The following OGFR variants were observed in gnomAD, a reference collection of about 807,000 sequenced individuals.
OGFR encodes opioid growth factor receptor, also known as protein 7-60.
Under a neutral mutation model 33.6 loss-of-function variants are expected in OGFR, and 18 were observed. The observed-to-expected ratio is 0.54, with a 90% confidence interval of 0.37 to 0.80. The LOEUF (loss-of-function observed/expected upper bound fraction) is 0.80. Among genes scored for constraint, OGFR ranks in the 30% least tolerant of loss-of-function variants. OGFR has a pLI of 0.00. For missense variants in OGFR, 877 were observed against 955.8 expected (o/e 0.92, Z 1.09); for synonymous variants, 370 against 400.7 (o/e 0.92, Z 0.91).
chr20:62,812,840 A>T lies in OGFR; in HGVS notation c.1225A>T (p.Lys409Ter), dbSNP rs750674169. The stretch of plus-strand genomic sequence containing the variant: ...CCCTCAGAGTGCCTCAGAGGTGGAG[A>T]AGATCGCTCTGAATTTGGAGGGGTG... Reference protein sequence around the residue: ...PGPQSASEVEKIALNLEGCAL... With the variant: ...PGPQSASEVE The change falls in exon 7 of 7, where the codon AAG becomes TAG. Residue 409 changes from lysine (K) to a stop codon, truncating the protein, a stop_gained. Coordinates refer to ENST00000290291, the MANE Select transcript of OGFR (RefSeq NM_007346.4). LOFTEE classifies it low-confidence loss of function (END_TRUNC). 1.2e-6 allele frequency: 2 copies of T among 1,612,714 alleles called. No homozygotes were observed. The highest frequency in any genetic ancestry group is 1.3e-5 in the African/African-American group (1 of 75,030).
intron 3 of OGFR, among the ~76,000 whole-genome samples, chr20:62,809,354 G>C (rs971136120): frequency 1.1e-4 from 16 of 152,244 alleles, no homozygotes; most frequent in African/African-American, 3.9e-4. Context: ...CCGCCAGCCA[G>C]CAACAAGGGT....
chr20:62,808,454 C>T (rs1024350969), intron 3 of OGFR, 129 bp downstream of exon 3: 15 of 689,180 alleles, frequency 2.2e-5, no homozygotes, highest in African/African-American at 5.3e-5. Context: ...CCCACAGTGC[C>T]CCCTGGAGGC....
intron 6 of OGFR, 62 bp downstream of exon 6, chr20:62,811,672 C>G: frequency 3.6e-6 from 5 of 1,403,980 alleles, no homozygotes; most frequent in Non-Finnish European, 4.7e-6. Context: ...CGTCAGGTTT[C>G]GGGCAGGTCA....
chr20:62,812,223 C>G lies in OGFR; in HGVS notation c.615-7C>G. 6.7e-7 allele frequency: 1 copy of G among 1,491,992 alleles called. No individual in the cohort carries two copies. The allele number at this position is 1,491,992 out of a possible 1,614,324, so 92.4% of individuals were successfully genotyped here. A position where few individuals can be genotyped will look rare whatever the true frequency, so the allele number is the denominator to read the frequency against. On this transcript the variant is annotated splice_polypyrimidine_tract_variant and splice_region_variant and intron_variant, in intron 6 of 6. Transcript: ENST00000290291. ...CATTGACCTCTCCTGACCCGGATCTCTCGCAGGCGCAGCCACAACAACCTC... is the reference window on the plus strand; with the variant it reads ...CATTGACCTCTCCTGACCCGGATCTGTCGCAGGCGCAGCCACAACAACCTC...
chr20:62,808,226 C>A, intron 2 of OGFR, 21 bp from the exon 3 acceptor site: 1 of 1,591,068 alleles, frequency 6.3e-7, no homozygotes, highest in Non-Finnish European at 8.6e-7. Context: ...TCCCTGCTGT[C>A]CCCTTTCTCT....
chr20:62,813,725 C>A lies in OGFR; in HGVS notation c.*76C>A. On this transcript the variant is annotated 3_prime_UTR_variant, in exon 7 of 7. Coordinates refer to ENST00000290291, the MANE Select transcript of OGFR (RefSeq NM_007346.4). ...CTGGGGCCTCCGGAGCTGCTGCGGG[C>A]TCCCCTCAGGCTCTGCTTCGTGACC... The A allele has an allele frequency of 6.5e-7, 1 of 1,534,674 alleles. No homozygotes were observed. Among genetic ancestry groups the A allele is most frequent in the Non-Finnish European group, 9.0e-7 (1 of 1,112,660 alleles).
chr20:62,811,624 G>GCGGGGCCCC lies in OGFR; in HGVS notation c.614+15_614+16insGGGGCCCCC. The GCGGGGCCCC allele has an allele frequency of 1.3e-6, 2 of 1,551,480 alleles. No individual in the cohort carries two copies. Among genetic ancestry groups the GCGGGGCCCC allele is most frequent in the African/African-American group, 1.4e-5 (1 of 73,282 alleles). ...GAACCTGAACTGGTGAGGCCCGGCT[G>GCGGGGCCCC]CTCCCGCCCACCCCCACCCCGGCGC... On this transcript the variant is annotated intron_variant, in intron 6 of 6. Coordinates refer to ENST00000290291, the MANE Select transcript of OGFR (RefSeq NM_007346.4).
chr20:62,812,284 G>A lies in OGFR; in HGVS notation c.669G>A (p.Leu223=), dbSNP rs13038939. The A allele has an allele frequency of 0.25, 382,821 of 1,537,898 alleles. 50,129 individuals carry two copies. The highest frequency in any genetic ancestry group is 0.3 in the African/African-American group (21,681 of 72,300). ...GCATCCTCAAGTCGCTGGGTGAGCT[G>A]GGCCTCGAGCACTTCCAGGCGCCGC... ...ITRILKSLGE[L]GLEHFQAPLV... is the part of the protein sequence containing the mutation. The change falls in exon 7 of 7, where the codon CTG becomes CTA. Residue 223 remains leucine, a synonymous_variant. Transcript: ENST00000290291.
chr20:62,808,200 G>A (rs1387764301), intron 2 of OGFR, 47 bp from the exon 3 acceptor site: 5 of 1,459,742 alleles, frequency 3.4e-6, no homozygotes, highest in Non-Finnish European at 4.8e-6. Context: ...CCCCAGGGCA[G>A]CTTGTGTCTG....
intron 6 of OGFR, 59 bp from the exon 7 acceptor site, chr20:62,812,171 G>A: frequency 1.4e-6 from 2 of 1,407,544 alleles, no homozygotes; most frequent in African/African-American, 1.5e-5. Context: ...CCAGGGCGGG[G>A]TGCGGCCCAG....
At position 62,813,092 on chromosome 20, in the gene OGFR, G is replaced by C; in HGVS notation, c.1477G>C (p.Ala493Pro). Residue 493 changes from alanine (A) to proline (P), a missense_variant, in exon 7 of 7, where the codon GCT becomes CCT. This residue lies in a region of OGFR where 760 missense variants were observed against 736.0 expected (regional missense o/e 1.03). Transcript: ENST00000290291. ...CCCTGCCCCATCGGGGCACCCCAAG[G>C]CTGGACACAGTGAGAACGGGGTTGA... ...GSPAPSGHPK[A>P]GHSENGVEED... 1.3e-6 allele frequency: 2 copies of C among 1,579,180 alleles called. No individual in the cohort carries two copies. The highest frequency in any genetic ancestry group is 1.7e-6 in the Non-Finnish European group (2 of 1,162,526).
At chr20:62,808,859 C>T (rs1252230689) in intron 3 of OGFR, among the ~76,000 whole-genome samples, 2 of 151,476 alleles carry the variant, frequency 1.3e-5, no homozygotes, top group Non-Finnish European at 2.9e-5. Flanking sequence ...CCTGTAGTCC[C>T]AGCTACTCAG....
At chr20:62,811,367 G>A in intron 5 of OGFR, 95 bp from the exon 6 acceptor site, 1 of 1,330,620 alleles carries the variant, frequency 7.5e-7, no homozygotes, top group East Asian at 2.4e-5. Context: ...GTCTAGTCCA[G>A]GCCTCTGAGT....
Position 62,811,618 on chromosome 20 carries a change from C to T in OGFR, c.614+8C>T. ...CTTCCAGAACCTGAACTGGTGAGGCCCGGCTGCTCCCGCCCACCCCCACCC... is the reference window on the plus strand; with the variant it reads ...CTTCCAGAACCTGAACTGGTGAGGCTCGGCTGCTCCCGCCCACCCCCACCC... On this transcript the variant is annotated splice_region_variant and intron_variant, in intron 6 of 6. Transcript: ENST00000290291. 6.4e-7 allele frequency: 1 copy of T among 1,557,094 alleles called. No homozygotes were observed. Among genetic ancestry groups the T allele is most frequent in the Non-Finnish European group, 8.7e-7 (1 of 1,150,876 alleles).
intron 6 of OGFR, 78 bp downstream of exon 6, chr20:62,811,688 C>T (rs964652003): frequency 4.9e-6 from 7 of 1,428,410 alleles, no homozygotes; most frequent in Admixed American, 2.4e-5. Flanking sequence ...GGTCACAGAG[C>T]GCTGCTGCAG....
At position 62,812,282 on chromosome 20, in the gene OGFR, C is replaced by T; in HGVS notation, c.667C>T (p.Leu223=). ...ACGCATCCTCAAGTCGCTGGGTGAG[C>T]TGGGCCTCGAGCACTTCCAGGCGCC... ...ITRILKSLGE[L]GLEHFQAPLV... is the part of the protein sequence containing the mutation. The change falls in exon 7 of 7, where the codon CTG becomes TTG. Residue 223 remains leucine (L), a synonymous_variant. Coordinates refer to ENST00000290291, the MANE Select transcript of OGFR (RefSeq NM_007346.4). The T allele has an allele frequency of 6.5e-7, 1 of 1,538,544 alleles. No individual in the cohort carries two copies. The highest frequency in any genetic ancestry group is 8.8e-7 in the Non-Finnish European group (1 of 1,142,626).
rs755546386 is a variant in OGFR at position 62,812,780 on chromosome 20, C to T, written c.1165C>T (p.Leu389=). ...PKESKKRKLE[L]SRREQPPTEP... ...AGAGAGCAAGAAGAGGAAGCTGGAG[C>T]TGAGCCGGCGGGAGCAGCCGCCCAC... Residue 389 remains leucine, a synonymous_variant, in exon 7 of 7, where the codon CTG becomes TTG. Coordinates refer to ENST00000290291, the MANE Select transcript of OGFR (RefSeq NM_007346.4). 5 of 1,612,372 alleles carry T rather than the reference C, an allele frequency of 3.1e-6. No homozygotes were observed. The highest frequency in any genetic ancestry group is 1.7e-5 in the Admixed American group (1 of 59,982).
In OGFR at chr20:62,811,626, T is replaced by TGGGGCCCCCCCCC; in HGVS notation, c.614+16_614+17insGGGGCCCCCCCCC. ...ACCTGAACTGGTGAGGCCCGGCTGC[T>TGGGGCCCCCCCCC]CCCGCCCACCCCCACCCCGGCGCAG... On this transcript the variant is annotated intron_variant, in intron 6 of 6. Transcript: ENST00000290291. 1.3e-6 allele frequency: 2 copies of TGGGGCCCCCCCCC among 1,502,534 alleles called. No homozygotes were observed. The highest frequency in any genetic ancestry group is 1.4e-5 in the African/African-American group (1 of 71,438). The allele number at this position is 1,502,534 out of a possible 1,614,324, so 93.1% of individuals were successfully genotyped here. A position where few individuals can be genotyped will look rare whatever the true frequency, so the allele number is the denominator to read the frequency against.
chr20:62,810,048 G>A lies in OGFR; in HGVS notation c.398+385G>A, dbSNP rs139613977. On this transcript the variant is annotated intron_variant, in intron 4 of 6. Coordinates refer to ENST00000290291, the MANE Select transcript of OGFR (RefSeq NM_007346.4). The stretch of plus-strand genomic sequence containing the variant: ...GGGTCCTGGCGTAGTGCTGGGATGA[G>A]ACTTGTGGCAGGCGTCTTGGGGACC... Among the ~76,000 whole-genome samples, 5 of 152,206 alleles carry A rather than the reference G, an allele frequency of 3.3e-5. No individual in the cohort carries two copies. In the East Asian group the frequency reaches 9.7e-4, roughly 30 times the overall value.
Sources: gnomAD v4.1 joint callset for allele counts (sites outside exome capture counted in the v4.1 genomes callset) on GRCh38, gnomAD v4.1.1 for gene constraint, gnomAD v4.1.1 regional missense constraint, MANE v1.5 for transcripts, NCBI Gene and HGNC (gene_info 2026-07-23, HGNC 2026-07-21) for gene names.